PTPRD: variants seen among roughly 807,000 people sequenced by gnomAD.
PTPRD encodes receptor-type tyrosine-protein phosphatase delta.
Under a neutral mutation model 214.5 loss-of-function variants are expected in PTPRD, and 34 were observed. The ratio of observed to expected loss-of-function variants is 0.16; its 90% CI spans 0.12 to 0.21. The LOEUF is 0.21. Ranked by LOEUF, PTPRD falls within the 10% of genes least tolerant of loss-of-function variation. PTPRD has a pLI of 1.00. For missense variants in PTPRD, 2,545 were observed against 2,398.7 expected (o/e 1.06, Z -1.27); for synonymous variants, 1,128 against 845.7 (o/e 1.33, Z -5.79).
At chr9:9,973,776 C>CT (rs200455016) in intron 4 of PTPRD, among the ~76,000 whole-genome samples, 92 of 150,222 alleles carry the variant, frequency 6.1e-4, no homozygotes, top group African/African-American at 1.5e-3. Flanking sequence ...AGTAAGGAGT[C>CT]TTTTTTTTTC....
intron 3 of PTPRD, among the ~76,000 whole-genome samples, chr9:10,057,054 C>A: frequency 6.6e-6 from 1 of 152,190 alleles, no homozygotes; most frequent in Non-Finnish European, 1.5e-5. Flanking sequence ...TACCAAATTG[C>A]AAGTCAGCAA....
At chr9:9,691,508 G>C (rs563506682) in intron 7 of PTPRD, among the ~76,000 whole-genome samples, 2 of 151,980 alleles carry the variant, frequency 1.3e-5, no homozygotes, top group African/African-American at 4.8e-5. Context: ...GTGTGGAAGT[G>C]CTATGTGTTC....
chr9:9,771,521 C>A (rs987168340), intron 5 of PTPRD, among the ~76,000 whole-genome samples: 6 of 152,160 alleles, frequency 3.9e-5, no homozygotes, highest in Non-Finnish European at 7.4e-5. Context: ...ATCATTGTTT[C>A]CCTGTCAAAG....
intron 10 of PTPRD, among the ~76,000 whole-genome samples, chr9:9,174,657 G>C (rs1055317859): frequency 1.3e-5 from 2 of 152,002 alleles, no homozygotes; most frequent in African/African-American, 4.8e-5. Context: ...TTACATAAGA[G>C]ATTTCATAAT....
intron 2 of PTPRD, among the ~76,000 whole-genome samples, chr9:10,596,569 A>C (rs2076667459): frequency 6.6e-6 from 1 of 151,742 alleles, no homozygotes; most frequent in South Asian, 2.1e-4. Flanking sequence ...TTATTATGGA[A>C]TGGCATAATT....
intron 14 of PTPRD, among the ~76,000 whole-genome samples, chr9:8,577,509 C>T (rs1319528743): frequency 6.6e-6 from 1 of 152,134 alleles, no homozygotes; most frequent in Non-Finnish European, 1.5e-5. Context: ...CCTGCCTTGG[C>T]CTCCCAAAGT....
At chr9:9,748,953 A>G (rs1354478148) in intron 6 of PTPRD, among the ~76,000 whole-genome samples, 1 of 152,156 alleles carries the variant, frequency 6.6e-6, no homozygotes, top group Non-Finnish European at 1.5e-5. Flanking sequence ...TGATAATTTG[A>G]GGTGGGAAAA....
chr9:8,902,049 C>T (rs922038979), intron 11 of PTPRD, among the ~76,000 whole-genome samples: 1 of 152,206 alleles, frequency 6.6e-6, no homozygotes. Context: ...CACATACACA[C>T]ACAGATATCC....
chr9:9,242,994 G>A (rs916873864), intron 9 of PTPRD, among the ~76,000 whole-genome samples: 14 of 152,072 alleles, frequency 9.2e-5, no homozygotes, highest in Admixed American at 5.2e-4. Flanking sequence ...GGTCTTTGAT[G>A]ATGGTGACGT....
At chr9:9,011,795 G>A (rs1288714439) in intron 11 of PTPRD, among the ~76,000 whole-genome samples, 5 of 152,172 alleles carry the variant, frequency 3.3e-5, no homozygotes, top group Non-Finnish European at 7.3e-5. Context: ...TTTCAGGGAA[G>A]GCCCTGGCAC....
intron 11 of PTPRD, among the ~76,000 whole-genome samples, chr9:8,851,417 A>T (rs1014728418): frequency 1.3e-5 from 2 of 152,224 alleles, no homozygotes; most frequent in African/African-American, 4.8e-5. Flanking sequence ...ATACCGTGCC[A>T]TGCTAATATG....
intron 3 of PTPRD, among the ~76,000 whole-genome samples, chr9:10,246,992 G>A (rs928640868): frequency 2.6e-5 from 4 of 152,024 alleles, no homozygotes; most frequent in Non-Finnish European, 2.9e-5. Context: ...GATTTACTGT[G>A]AGCACAAACT....
At chr9:8,493,187 G>C (rs1315745062) in intron 26 of PTPRD, among the ~76,000 whole-genome samples, 2 of 152,184 alleles carry the variant, frequency 1.3e-5, no homozygotes, top group Non-Finnish European at 2.9e-5. Flanking sequence ...TTGGGAGGTA[G>C]ATCTTAGGGT....
intron 2 of PTPRD, among the ~76,000 whole-genome samples, chr9:10,405,198 T>C (rs2098333683): frequency 6.6e-6 from 1 of 151,708 alleles, no homozygotes; most frequent in Non-Finnish European, 1.5e-5. Context: ...GATAGATTCA[T>C]GTCAAAATGC....
chr9:9,169,394 G>A (rs1381370890), intron 10 of PTPRD, among the ~76,000 whole-genome samples: 1 of 152,050 alleles, frequency 6.6e-6, no homozygotes, highest in Non-Finnish European at 1.5e-5. Flanking sequence ...TGAATAGACG[G>A]TAAGTATTTG....
chr9:9,777,597 C>T (rs967579336), intron 5 of PTPRD, among the ~76,000 whole-genome samples: 12 of 151,950 alleles, frequency 7.9e-5, no homozygotes, highest in African/African-American at 1.5e-4. Context: ...ACTCAAGAGC[C>T]GGAGGTGGGA....
chr9:8,997,052 G>T (rs556513109), intron 11 of PTPRD, among the ~76,000 whole-genome samples: 8 of 152,034 alleles, frequency 5.3e-5, no homozygotes, highest in Non-Finnish European at 1.0e-4. Context: ...TCAGTTTCCT[G>T]CACTAGAGTC....
chr9:8,934,415 GTGTGTGTA>G lies in PTPRD; in HGVS notation c.-104+84274_-104+84281del, dbSNP rs1261120639. ...ATTATGTGTGTGTGTGTGTGTGTGT[GTGTGTGTA>G]TATATATATATAAATATATATATAA... On this transcript the variant is annotated intron_variant, in intron 11 of 45. Transcript: ENST00000381196. Among the ~76,000 whole-genome samples, 10 of 37,872 alleles carry G rather than the reference GTGTGTGTA, an allele frequency of 2.6e-4. No individual in the cohort carries two copies. In the East Asian group the frequency reaches 4.1e-3, roughly 16 times the overall value. The allele number at this position is 37,872 out of a possible 152,430, so 24.8% of individuals were successfully genotyped here.
chr9:9,418,285 T>A (rs1443728782), intron 8 of PTPRD, among the ~76,000 whole-genome samples: 1 of 152,036 alleles, frequency 6.6e-6, no homozygotes, highest in African/African-American at 2.4e-5. Flanking sequence ...TGCTTAGGCA[T>A]CCTGATGGTT....
Sources: gnomAD v4.1 joint callset for allele counts (sites outside exome capture counted in the v4.1 genomes callset) on GRCh38, gnomAD v4.1.1 for gene constraint, MANE v1.5 for transcripts, NCBI Gene and HGNC (gene_info 2026-07-23, HGNC 2026-07-21) for gene names.